The following CNTNAP5 variants were observed in gnomAD, a reference collection of about 807,000 sequenced individuals.
The protein encoded by CNTNAP5 is contactin-associated protein-like 5.
A neutral mutation model predicts 150.2 loss-of-function variants in CNTNAP5; 72 were observed. The observed-to-expected ratio is 0.48, with a 90% CI of 0.40 to 0.58. The LOEUF (loss-of-function observed/expected upper bound fraction) is 0.58, where lower values mean the gene tolerates loss of function less well. CNTNAP5 is among the 20% of genes least tolerant of loss of function. The pLI, the probability that CNTNAP5 is intolerant of heterozygous loss-of-function variation, is 0.00. For missense variants in CNTNAP5, 1,636 were observed against 1,626.2 expected, an observed-to-expected ratio of 1.01 and a Z score of -0.10; for synonymous variants, 672 against 619.8, an observed-to-expected ratio of 1.08 and a Z score of -1.25.
chr2:124,517,688 G>A (rs559990879), intron 8 of CNTNAP5, among the ~76,000 whole-genome samples: 2 of 143,184 alleles, frequency 1.4e-5, no homozygotes, highest in East Asian at 4.5e-4. Flanking sequence ...TGTGGTGTTT[G>A]TGATGGAGGG....
chr2:124,628,965 G>A (rs1677788405), intron 12 of CNTNAP5, among the ~76,000 whole-genome samples: 1 of 152,138 alleles, frequency 6.6e-6, no homozygotes, highest in South Asian at 2.1e-4. Flanking sequence ...AAAAGACAAA[G>A]AAGGGCATTA....
chr2:124,348,384 A>G (rs1689792657), intron 3 of CNTNAP5, among the ~76,000 whole-genome samples: 1 of 152,148 alleles, frequency 6.6e-6, no homozygotes, highest in Admixed American at 6.5e-5. Flanking sequence ...AACCGAGGGC[A>G]TCCTCGTTTT....
intron 17 of CNTNAP5, among the ~76,000 whole-genome samples, chr2:124,775,182 C>T (rs1392401682): frequency 6.6e-6 from 1 of 152,120 alleles, no homozygotes; most frequent in Middle Eastern, 3.2e-3. Flanking sequence ...GTGATATGCC[C>T]ATTTAGAAAT....
intron 13 of CNTNAP5, among the ~76,000 whole-genome samples, chr2:124,663,145 A>C (rs1678627152): frequency 6.6e-6 from 1 of 152,210 alleles, no homozygotes; most frequent in Non-Finnish European, 1.5e-5. Flanking sequence ...ATGTGACCCT[A>C]TCTGTAACTG....
intron 6 of CNTNAP5, among the ~76,000 whole-genome samples, chr2:124,470,008 C>T (rs1693470183): frequency 6.6e-6 from 1 of 152,124 alleles, no homozygotes; most frequent in African/African-American, 2.4e-5. Context: ...CATGTGTTTG[C>T]TATTGTGAAT....
chr2:124,463,452 G>A (rs1693300616), intron 6 of CNTNAP5, among the ~76,000 whole-genome samples: 2 of 152,144 alleles, frequency 1.3e-5, no homozygotes. Flanking sequence ...ATACCCCGTT[G>A]CAAAACCTGA....
intron 3 of CNTNAP5, among the ~76,000 whole-genome samples, chr2:124,396,220 C>A (rs1691239727): frequency 6.6e-6 from 1 of 152,158 alleles, no homozygotes; most frequent in South Asian, 2.1e-4. Flanking sequence ...ATAGAATTAC[C>A]AAGCTGGATA....
At chr2:124,036,686 G>A (rs779374357) in intron 1 of CNTNAP5, among the ~76,000 whole-genome samples, 2 of 152,044 alleles carry the variant, frequency 1.3e-5, no homozygotes, top group East Asian at 1.9e-4. Flanking sequence ...CTTCTTTCTC[G>A]GCAGGGTTTC....
intron 6 of CNTNAP5, among the ~76,000 whole-genome samples, chr2:124,451,916 A>C (rs1183611077): frequency 6.6e-6 from 1 of 152,140 alleles, no homozygotes; most frequent in Non-Finnish European, 1.5e-5. Context: ...TTGCTGAGTC[A>C]ATTTCTGCCT....
chr2:124,415,608 C>T (rs1691897472), intron 3 of CNTNAP5, among the ~76,000 whole-genome samples: 1 of 152,180 alleles, frequency 6.6e-6, no homozygotes, highest in South Asian at 2.1e-4. Flanking sequence ...ATTGATTGCA[C>T]ACCAGCAAGT....
chr2:124,538,081 GT>G (rs1361877599), intron 10 of CNTNAP5, among the ~76,000 whole-genome samples: 1 of 152,182 alleles, frequency 6.6e-6, no homozygotes, highest in African/African-American at 2.4e-5. Context: ...TTCAAGTGCT[GT>G]ATTTTTGCGA....
At chr2:124,057,049 T>C (rs1214393342) in intron 1 of CNTNAP5, among the ~76,000 whole-genome samples, 2 of 152,140 alleles carry the variant, frequency 1.3e-5, no homozygotes, top group Non-Finnish European at 2.9e-5. Context: ...TGATAATTAC[T>C]CAATGGCCAT....
At chr2:124,726,582 T>C (rs1293249020) in intron 13 of CNTNAP5, among the ~76,000 whole-genome samples, 1 of 152,148 alleles carries the variant, frequency 6.6e-6, no homozygotes, top group Non-Finnish European at 1.5e-5. Context: ...AACAGACTAA[T>C]ACAATTAGTG....
At chr2:124,507,727 C>T (rs1694447495) in intron 8 of CNTNAP5, among the ~76,000 whole-genome samples, 1 of 152,166 alleles carries the variant, frequency 6.6e-6, no homozygotes, top group African/African-American at 2.4e-5. Flanking sequence ...GTTTTCTCTA[C>T]AGATGCAAGT....
intron 19 of CNTNAP5, among the ~76,000 whole-genome samples, chr2:124,807,906 AG>A (rs1355823440): frequency 2.0e-5 from 3 of 152,244 alleles, no homozygotes; most frequent in African/African-American, 7.2e-5. Flanking sequence ...TGGAAGATTT[AG>A]AAACACAATG....
intron 3 of CNTNAP5, among the ~76,000 whole-genome samples, chr2:124,388,312 G>A (rs1319306847): frequency 6.6e-6 from 1 of 152,172 alleles, no homozygotes; most frequent in East Asian, 1.9e-4. Context: ...CTGGTCTGCA[G>A]TGGCAGCAGT....
intron 7 of CNTNAP5, among the ~76,000 whole-genome samples, chr2:124,475,818 G>A (rs1693626345): frequency 6.6e-6 from 1 of 152,062 alleles, no homozygotes; most frequent in East Asian, 1.9e-4. Flanking sequence ...AAATAGTTGG[G>A]TCATGTTTTT....
chr2:124,254,709 TA>T (rs752819372), intron 3 of CNTNAP5, among the ~76,000 whole-genome samples: 30 of 152,238 alleles, frequency 2.0e-4, no homozygotes, highest in Middle Eastern at 3.4e-3. Flanking sequence ...CTGTATGGAG[TA>T]ACTTGATGGA....
At chr2:124,292,333 G>T (rs572377452) in intron 3 of CNTNAP5, among the ~76,000 whole-genome samples, 1 of 151,936 alleles carries the variant, frequency 6.6e-6, no homozygotes, top group African/African-American at 2.4e-5. Context: ...AGAAAATTAC[G>T]ATTATTGAAA....
Sources: allele counts gnomAD v4.1 joint callset (sites outside exome capture counted in the v4.1 genomes callset), GRCh38; gene constraint gnomAD v4.1.1; transcripts MANE v1.5; gene names NCBI Gene and HGNC (gene_info 2026-07-23, HGNC 2026-07-21).